Variants in GRIK4 observed in about 807,000 individuals in gnomAD.
GRIK4 encodes the protein glutamate receptor ionotropic, kainate 4.
Under a neutral mutation model 104.9 loss-of-function variants are expected in GRIK4, and 40 were observed. That is an observed-to-expected ratio of 0.38 (90% CI 0.30 to 0.50). GRIK4 has a LOEUF of 0.50. GRIK4 is among the 20% of genes least tolerant of loss of function. The probability of loss-of-function intolerance (pLI) is 0.93; values close to 1 mark genes in which losing one functional copy is unlikely to be tolerated. For missense variants in GRIK4, 1,047 were observed against 1,308.1 expected (o/e 0.80, Z 3.08); for synonymous variants, 485 against 524.9 (o/e 0.92, Z 1.04).
intron 4 of GRIK4, among the ~76,000 whole-genome samples, chr11:120,803,874 A>G (rs1952667899): frequency 6.6e-6 from 1 of 152,234 alleles, no homozygotes; most frequent in South Asian, 2.1e-4. Flanking sequence ...ATTCTCACCT[A>G]AGTGTTAAGT....
At chr11:120,660,772 A>G (rs1949800998) in intron 3 of GRIK4, among the ~76,000 whole-genome samples, 1 of 152,206 alleles carries the variant, frequency 6.6e-6, no homozygotes, top group Non-Finnish European at 1.5e-5. Context: ...TCCTGTGATC[A>G]GTCCAAGAAG....
intron 1 of GRIK4, among the ~76,000 whole-genome samples, chr11:120,595,402 C>T (rs1449342485): frequency 6.6e-6 from 1 of 152,200 alleles, no homozygotes; most frequent in Non-Finnish European, 1.5e-5. Context: ...TTTCGGTATA[C>T]TTTTTTTCTT....
At chr11:120,837,488 T>C in intron 8 of GRIK4, among the ~76,000 whole-genome samples, 1 of 152,162 alleles carries the variant, frequency 6.6e-6, no homozygotes, top group East Asian at 1.9e-4. Context: ...CCTGCCCCAT[T>C]GTTGGGCATC....
chr11:120,658,551 A>T (rs1949751701), intron 2 of GRIK4, among the ~76,000 whole-genome samples: 1 of 151,978 alleles, frequency 6.6e-6, no homozygotes, highest in African/African-American at 2.4e-5. Flanking sequence ...GTCTTTTTTT[A>T]AAATCATTAT....
chr11:120,760,817 G>A (rs1327482814), intron 3 of GRIK4, among the ~76,000 whole-genome samples: 1 of 152,002 alleles, frequency 6.6e-6, no homozygotes, highest in Non-Finnish European at 1.5e-5. Flanking sequence ...TGGTGTATAT[G>A]TGCCACATTT....
intron 13 of GRIK4, among the ~76,000 whole-genome samples, chr11:120,919,233 A>G (rs1394256661): frequency 1.3e-5 from 2 of 152,214 alleles, no homozygotes; most frequent in East Asian, 3.8e-4. Flanking sequence ...TGAAGAGTGC[A>G]TTGTGTCCAC....
At chr11:120,671,243 G>A (rs944129684) in intron 3 of GRIK4, among the ~76,000 whole-genome samples, 7 of 152,138 alleles carry the variant, frequency 4.6e-5, no homozygotes, top group African/African-American at 1.7e-4. Flanking sequence ...GGGTCAAAAG[G>A]TATTTCTAGC....
intron 3 of GRIK4, among the ~76,000 whole-genome samples, chr11:120,689,111 A>C (rs914806366): frequency 6.6e-6 from 1 of 152,162 alleles, no homozygotes; most frequent in Non-Finnish European, 1.5e-5. Context: ...GGGCTTGGGT[A>C]AGCCACAGGG....
rs1943247328 is a variant in GRIK4 at position 120,922,549 on chromosome 11, T to C, written c.1476+17056T>C. ...TCTGGCCATCCCTCACCAGAAGGTC[T>C]TGTGGTGTGTTCGATGTGCGTACTG... On this transcript the variant is annotated intron_variant, in intron 13 of 20. Transcript: ENST00000527524. 7.2e-5 allele frequency among the ~76,000 whole-genome samples: 11 copies of C among 152,344 alleles called. No individual in the cohort carries two copies. In the South Asian group the frequency reaches 2.3e-3, roughly 32 times the overall value.
intron 11 of GRIK4, among the ~76,000 whole-genome samples, chr11:120,893,743 G>A (rs1942485649): frequency 6.6e-6 from 1 of 152,234 alleles, no homozygotes; most frequent in Non-Finnish European, 1.5e-5. Flanking sequence ...GCCATAGCGG[G>A]TGTGTTTACA....
intron 1 of GRIK4, among the ~76,000 whole-genome samples, chr11:120,647,695 C>A (rs991699506): frequency 6.6e-6 from 1 of 152,242 alleles, no homozygotes; most frequent in Non-Finnish European, 1.5e-5. Flanking sequence ...ACTGCAGGGG[C>A]GCAGGGACAT....
At chr11:120,598,709 G>A (rs940542018) in intron 1 of GRIK4, among the ~76,000 whole-genome samples, 1 of 152,150 alleles carries the variant, frequency 6.6e-6, no homozygotes, top group East Asian at 1.9e-4. Flanking sequence ...CAAGAGGCTC[G>A]CCCAGGCCTG....
intron 1 of GRIK4, among the ~76,000 whole-genome samples, chr11:120,630,172 C>A (rs1229027807): frequency 6.6e-6 from 1 of 152,224 alleles, no homozygotes; most frequent in Non-Finnish European, 1.5e-5. Context: ...TCATCCTCTG[C>A]CTTGCCCTGT....
At chr11:120,796,492 G>T (rs1952519542) in intron 3 of GRIK4, among the ~76,000 whole-genome samples, 1 of 152,162 alleles carries the variant, frequency 6.6e-6, no homozygotes, top group African/African-American at 2.4e-5. Context: ...GTCTGTTTGA[G>T]TGGTGGGAGT....
rs1205696008 is a variant in GRIK4, at chr11:120,905,761, A to C, written c.1476+268A>C. ...AGGCTCTGATTGATTAACACAGATG[A>C]GGGAGTTTGGGTTCCATTTTTGGTG... On this transcript the variant is annotated intron_variant, in intron 13 of 20. Coordinates refer to ENST00000527524, the MANE Select transcript of GRIK4 (RefSeq NM_014619.5). The surrounding 1 kb of genome is among the most constrained non-coding windows in gnomAD (Gnocchi z 5.1). 1.3e-5 allele frequency among the ~76,000 whole-genome samples: 2 copies of C among 152,136 alleles called. No homozygotes were observed. The highest frequency in any genetic ancestry group is 2.9e-5 in the Non-Finnish European group (2 of 68,030).
chr11:120,681,199 G>A (rs1474651989), intron 3 of GRIK4, among the ~76,000 whole-genome samples: 1 of 152,200 alleles, frequency 6.6e-6, no homozygotes, highest in Non-Finnish European at 1.5e-5. Context: ...GGATTGGGGA[G>A]GAAGACTAGA....
chr11:120,759,514 A>AT lies in GRIK4; in HGVS notation c.83-43167dup, dbSNP rs1029422670. Among the ~76,000 whole-genome samples the AT allele has an allele frequency of 2.4e-3, 329 of 138,422 alleles. 2 individuals carry two copies. The highest frequency in any genetic ancestry group is 6.4e-3 in the African/African-American group (239 of 37,444). The allele number at this position is 138,422 out of a possible 152,430, so 90.8% of individuals were successfully genotyped here. A position where few individuals can be genotyped will look rare whatever the true frequency, so the allele number is the denominator to read the frequency against. On this transcript the variant is annotated intron_variant, in intron 3 of 20. Transcript: ENST00000527524. The stretch of plus-strand genomic sequence containing the variant: ...TATTGTATTGTGGGCTATCAGTAGC[A>AT]TTTTTTTTTTTTCAAGTCTAACATG...
In GRIK4 at chr11:120,861,942, A is replaced by T. The variant is rs1448941238; in HGVS notation, c.745-17A>T. The T allele has an allele frequency of 6.2e-7, 1 of 1,603,116 alleles. No individual in the cohort carries two copies. On this transcript the variant is annotated splice_polypyrimidine_tract_variant and intron_variant, in intron 8 of 20. Transcript: ENST00000527524. ...CTTCCTAACTACATTCTTATTTCTGATGCTGGGTCTTTCCAGGAGTTCTCA... is the reference window on the plus strand; with the variant it reads ...CTTCCTAACTACATTCTTATTTCTGTTGCTGGGTCTTTCCAGGAGTTCTCA...
At chr11:120,927,266 A>C (rs968610726) in intron 13 of GRIK4, among the ~76,000 whole-genome samples, 2 of 152,156 alleles carry the variant, frequency 1.3e-5, no homozygotes, top group African/African-American at 4.8e-5. Context: ...AGAGTCCACA[A>C]AACTAGAAAG....
Sources: allele counts gnomAD v4.1 joint callset (sites outside exome capture counted in the v4.1 genomes callset), GRCh38; gene constraint gnomAD v4.1.1; non-coding constraint Gnocchi (gnomAD v3.1); transcripts MANE v1.5; gene names NCBI Gene and HGNC (gene_info 2026-07-23, HGNC 2026-07-21).